TFPI: variants seen among roughly 807,000 people sequenced by gnomAD.
TFPI encodes the protein anti-convertin.
In TFPI, 15 loss-of-function variants were observed where a neutral mutation model predicts 34.6. The ratio of observed to expected loss-of-function variants is 0.43; its 90% CI spans 0.29 to 0.67. The LOEUF (loss-of-function observed/expected upper bound fraction) is 0.67, where lower values mean the gene tolerates loss of function less well. TFPI is among the 30% of genes least tolerant of loss of function. The probability of loss-of-function intolerance (pLI) is 0.15; values close to 1 mark genes in which losing one functional copy is unlikely to be tolerated. For missense variants in TFPI, 301 were observed against 364.0 expected (o/e 0.83, Z 1.41); for synonymous variants, 105 against 120.1 (o/e 0.87, Z 0.82).
chr2:187,528,362 T>G (rs893927567), intron 1 of TFPI, among the ~76,000 whole-genome samples: 13 of 152,164 alleles, frequency 8.5e-5, no homozygotes, highest in African/African-American at 3.1e-4. Context: ...ATCTATTAAG[T>G]ATTATATTTA....
At chr2:187,495,936 T>TA (rs544150327) in intron 3 of TFPI, among the ~76,000 whole-genome samples, 68 of 146,820 alleles carry the variant, frequency 4.6e-4, no homozygotes, top group Middle Eastern at 3.5e-3. Context: ...AGCCTGACAT[T>TA]AAAAAAAAAA....
At chr2:187,505,047 A>G (rs1029214464) in intron 1 of TFPI, among the ~76,000 whole-genome samples, 1 of 148,562 alleles carries the variant, frequency 6.7e-6, no homozygotes, top group African/African-American at 2.4e-5. Flanking sequence ...GAATTCACAA[A>G]TATATATATA....
intron 6 of TFPI, chr2:187,478,846 TTATA>T: frequency 6.6e-7 from 1 of 1,524,150 alleles, no homozygotes; most frequent in Admixed American, 1.7e-5. Context: ...TGAGTCATCT[TTATA>T]TGTTTAACAC....
chr2:187,529,963 G>A (rs1294619406), intron 1 of TFPI, among the ~76,000 whole-genome samples: 1 of 152,084 alleles, frequency 6.6e-6, no homozygotes, highest in Non-Finnish European at 1.5e-5. Context: ...ATGATAATTT[G>A]CCCAAACTAT....
intron 1 of TFPI, among the ~76,000 whole-genome samples, chr2:187,553,740 T>C (rs1689176128): frequency 6.6e-6 from 1 of 152,186 alleles, no homozygotes; most frequent in African/African-American, 2.4e-5. Context: ...TTTTAATGGT[T>C]ATACCTCATT....
intron 1 of TFPI, among the ~76,000 whole-genome samples, chr2:187,538,801 G>T (rs548917124): frequency 1.2e-4 from 18 of 151,920 alleles, no homozygotes; most frequent in African/African-American, 4.1e-4. Context: ...AATATTTTTT[G>T]GATATTTAAA....
intron 1 of TFPI, among the ~76,000 whole-genome samples, chr2:187,524,456 A>ACT (rs1053842275): frequency 2.6e-5 from 4 of 152,026 alleles, no homozygotes; most frequent in Admixed American, 2.6e-4. Flanking sequence ...TGTCTCCACC[A>ACT]CTAAAATGTT....
intron 6 of TFPI, among the ~76,000 whole-genome samples, chr2:187,479,294 GAA>G: frequency 6.6e-6 from 1 of 151,900 alleles, no homozygotes; most frequent in South Asian, 2.1e-4. Flanking sequence ...TCGATGACTA[GAA>G]ATAGGACAGT....
chr2:187,491,050 T>C (rs1685090105), intron 3 of TFPI, among the ~76,000 whole-genome samples: 1 of 151,922 alleles, frequency 6.6e-6, no homozygotes, highest in Admixed American at 6.6e-5. Context: ...TAATTCTAAA[T>C]CCTTTAATAC....
At chr2:187,528,941 T>C (rs1293420723) in intron 1 of TFPI, among the ~76,000 whole-genome samples, 1 of 151,986 alleles carries the variant, frequency 6.6e-6, no homozygotes, top group African/African-American at 2.4e-5. Context: ...ATAAAAATGG[T>C]AAGAATTTGA....
intron 1 of TFPI, among the ~76,000 whole-genome samples, chr2:187,543,259 AT>A (rs1182820396): frequency 6.6e-6 from 1 of 152,228 alleles, no homozygotes; most frequent in African/African-American, 2.4e-5. Context: ...ATTTTAAACA[AT>A]GTAGATTTCC....
chr2:187,515,233 G>A (rs1202646881), intron 1 of TFPI: 1 of 152,140 alleles, frequency 6.6e-6, no homozygotes, highest in Non-Finnish European at 1.5e-5. Context: ...AAAGATAAAG[G>A]CCCCCCATAC....
intron 1 of TFPI, among the ~76,000 whole-genome samples, chr2:187,508,579 TG>T (rs1421958210): frequency 3.3e-5 from 5 of 152,216 alleles, no homozygotes; most frequent in Non-Finnish European, 5.9e-5. Flanking sequence ...CAATTGTGAA[TG>T]GGAGTTCACT....
intron 1 of TFPI, chr2:187,527,044 T>C (rs1198228203): frequency 6.6e-6 from 1 of 152,248 alleles, no homozygotes; most frequent in Non-Finnish European, 1.5e-5. Context: ...TGTTTTGTTT[T>C]ATCTTTAACT....
chr2:187,517,599 G>C (rs1687094374), intron 1 of TFPI: 2 of 152,324 alleles, frequency 1.3e-5, no homozygotes, highest in Non-Finnish European at 2.9e-5. Flanking sequence ...ATGTGGTGCT[G>C]AGAAGAATGT....
intron 1 of TFPI, among the ~76,000 whole-genome samples, chr2:187,525,315 G>A (rs1468165838): frequency 6.6e-6 from 1 of 152,024 alleles, no homozygotes; most frequent in African/African-American, 2.4e-5. Context: ...ACCATACAAA[G>A]CTGACTTCCC....
In TFPI at chr2:187,553,644, ACCTTTGGT is replaced by A. The variant is rs528451544; in HGVS notation, c.-3+548_-3+555del. 3.0e-4 allele frequency among the ~76,000 whole-genome samples: 45 copies of A among 152,270 alleles called. No homozygotes were observed. In the East Asian group the frequency reaches 8.3e-3, roughly 28 times the overall value. ...TCTCGTTTAAGTATCTCAGAATATG[ACCTTTGGT>A]CTTTGGAGAATTGTAAAATATTTCC... On this transcript the variant is annotated intron_variant, in intron 1 of 7. Transcript: ENST00000233156.
In TFPI at chr2:187,554,306, T is replaced by G. The variant is rs1169929619; in HGVS notation, c.-109A>C. On this transcript the variant is annotated 5_prime_UTR_variant, in exon 1 of 8. Transcript: ENST00000233156. ...GAAGACAGGATTTATCTTCTCTACT[T>G]CTTCTTTTAGAAGCAGATCAAGAAA... The G allele has an allele frequency of 6.6e-6, 1 of 152,204 alleles. No homozygotes were observed. Among genetic ancestry groups the G allele is most frequent in the Non-Finnish European group, 1.5e-5 (1 of 68,034 alleles). The allele number at this position is 152,204 out of a possible 1,614,324, so 9.4% of individuals were successfully genotyped here. A position where few individuals can be genotyped will look rare whatever the true frequency, so the allele number is the denominator to read the frequency against.
chr2:187,511,871 G>C (rs1686662670), intron 1 of TFPI, among the ~76,000 whole-genome samples: 1 of 151,930 alleles, frequency 6.6e-6, no homozygotes, highest in Non-Finnish European at 1.5e-5. Flanking sequence ...CAAAGAGAGA[G>C]AGAAAGTGAC....
Sources: gnomAD v4.1 joint callset for allele counts (sites outside exome capture counted in the v4.1 genomes callset) on GRCh38, gnomAD v4.1.1 for gene constraint, MANE v1.5 for transcripts, NCBI Gene and HGNC (gene_info 2026-07-23, HGNC 2026-07-21) for gene names.